MOB3B: variants seen among roughly 807,000 people sequenced by gnomAD.
MOB3B encodes the protein MOB kinase activator-like 2B.
Under a neutral mutation model 18.7 loss-of-function variants are expected in MOB3B, and 7 were observed. The observed-to-expected ratio is 0.37, with a 90% CI of 0.21 to 0.70. MOB3B has a LOEUF of 0.70. Ranked by LOEUF, MOB3B falls within the 30% of genes least tolerant of loss-of-function variation. MOB3B has a pLI of 0.52. For synonymous variants in MOB3B, 111 were observed against 99.9 expected (o/e 1.11, Z -0.66); for missense variants, 253 against 281.3 (o/e 0.90, Z 0.72).
At chr9:27,490,836 G>A (rs966964694) in intron 1 of MOB3B, among the ~76,000 whole-genome samples, 5 of 151,948 alleles carry the variant, frequency 3.3e-5, no homozygotes, top group African/African-American at 1.2e-4. Context: ...AAATACCATC[G>A]ATGCTGTAGG....
At chr9:27,476,145 T>C (rs1242605382) in intron 1 of MOB3B, among the ~76,000 whole-genome samples, 1 of 152,248 alleles carries the variant, frequency 6.6e-6, no homozygotes, top group Non-Finnish European at 1.5e-5. Context: ...CTCCCTGATG[T>C]TTCTACAACA....
intron 2 of MOB3B, among the ~76,000 whole-genome samples, chr9:27,366,275 G>A (rs764296518): frequency 5.3e-5 from 8 of 152,162 alleles, no homozygotes; most frequent in Non-Finnish European, 1.2e-4. Context: ...AGTATGAAAC[G>A]TAATAATTTC....
At chr9:27,460,296 T>C (rs1037767708) in intron 1 of MOB3B, among the ~76,000 whole-genome samples, 1 of 152,180 alleles carries the variant, frequency 6.6e-6, no homozygotes, top group Non-Finnish European at 1.5e-5. Context: ...AGCACAAAAC[T>C]GACAGAAGTT....
At chr9:27,446,146 A>G (rs976619179) in intron 2 of MOB3B, among the ~76,000 whole-genome samples, 2 of 152,316 alleles carry the variant, frequency 1.3e-5, no homozygotes. Flanking sequence ...CTCTTCGCCA[A>G]GTTTTGTTTA....
intron 2 of MOB3B, among the ~76,000 whole-genome samples, chr9:27,373,054 A>G (rs1587163661): frequency 7.2e-5 from 11 of 152,368 alleles, no homozygotes; most frequent in African/African-American, 2.4e-4. Context: ...TGTGGGTCAA[A>G]AATATTTGAT....
intron 1 of MOB3B, among the ~76,000 whole-genome samples, chr9:27,491,666 G>T (rs911474771): frequency 2.0e-5 from 3 of 152,188 alleles, no homozygotes; most frequent in African/African-American, 4.8e-5. Flanking sequence ...AAGGTCAGGA[G>T]ATTGAGACCA....
At chr9:27,351,566 C>T (rs900876346) in intron 3 of MOB3B, among the ~76,000 whole-genome samples, 8 of 152,208 alleles carry the variant, frequency 5.3e-5, no homozygotes, top group African/African-American at 1.9e-4. Flanking sequence ...CCAAGGAAGC[C>T]GCCTGACAAG....
At chr9:27,355,181 T>C (rs1821167661) in intron 3 of MOB3B, among the ~76,000 whole-genome samples, 1 of 152,108 alleles carries the variant, frequency 6.6e-6, no homozygotes, top group Admixed American at 6.5e-5. Context: ...ACCTGTGTGG[T>C]AGATACTCAG....
intron 1 of MOB3B, among the ~76,000 whole-genome samples, chr9:27,466,209 C>T (rs1819381223): frequency 6.6e-6 from 1 of 152,158 alleles, no homozygotes; most frequent in Non-Finnish European, 1.5e-5. Context: ...GCCAGTTACC[C>T]TAAATCATCT....
intron 1 of MOB3B, among the ~76,000 whole-genome samples, chr9:27,472,678 TAAAAAAAAAAAAA>T (rs56092176): frequency 1.0e-5 from 1 of 98,910 alleles, no homozygotes. Flanking sequence ...CACTTTATTC[TAAAAAAAAAAAAA>T]AAAAAAAAAA....
chr9:27,331,056 G>T (rs926933241), intron 3 of MOB3B, among the ~76,000 whole-genome samples: 2 of 152,166 alleles, frequency 1.3e-5, no homozygotes, highest in African/African-American at 4.8e-5. Flanking sequence ...TTCGAGTAGG[G>T]AAAGATTTAA....
At chr9:27,475,480 G>A (rs1819540051) in intron 1 of MOB3B, among the ~76,000 whole-genome samples, 1 of 152,204 alleles carries the variant, frequency 6.6e-6, no homozygotes, top group Admixed American at 6.5e-5. Context: ...ACATACAAAA[G>A]GAAACAACCA....
chr9:27,475,333 C>T (rs543318140), intron 1 of MOB3B, among the ~76,000 whole-genome samples: 16 of 152,358 alleles, frequency 1.1e-4, no homozygotes, highest in African/African-American at 2.6e-4. Flanking sequence ...AACCCAGCTA[C>T]GCTGTACTCT....
intron 2 of MOB3B, among the ~76,000 whole-genome samples, chr9:27,361,059 T>C (rs1821268068): frequency 6.6e-6 from 1 of 152,148 alleles, no homozygotes; most frequent in Non-Finnish European, 1.5e-5. Context: ...TGAAATTCCC[T>C]CTAAGATAGG....
intron 1 of MOB3B, among the ~76,000 whole-genome samples, chr9:27,464,698 G>A (rs897371075): frequency 2.6e-5 from 4 of 152,144 alleles, no homozygotes; most frequent in Admixed American, 2.6e-4. Context: ...ACAAAAAGAG[G>A]TTTAATTGGA....
intron 2 of MOB3B, among the ~76,000 whole-genome samples, chr9:27,448,025 G>A (rs1822720595): frequency 6.6e-6 from 1 of 152,198 alleles, no homozygotes; most frequent in South Asian, 2.1e-4. Context: ...CCCTCTCTGT[G>A]GTGGTTTTGT....
At chr9:27,383,328 A>T (rs551833212) in intron 2 of MOB3B, among the ~76,000 whole-genome samples, 2 of 152,342 alleles carry the variant, frequency 1.3e-5, no homozygotes, top group East Asian at 3.9e-4. Context: ...TTATTAATAA[A>T]GTTTCTCATT....
chr9:27,433,693 C>T (rs1269749399), intron 2 of MOB3B, among the ~76,000 whole-genome samples: 1 of 152,082 alleles, frequency 6.6e-6, no homozygotes, highest in Admixed American at 6.6e-5. Context: ...CTTTAGAATT[C>T]CTGTGATTTA....
intron 3 of MOB3B, among the ~76,000 whole-genome samples, chr9:27,355,501 A>C (rs1821175409): frequency 6.6e-6 from 1 of 151,680 alleles, no homozygotes; most frequent in Admixed American, 6.6e-5. Flanking sequence ...GACATTTATT[A>C]TTTTATATTT....
Sources: allele counts gnomAD v4.1 joint callset (sites outside exome capture counted in the v4.1 genomes callset), GRCh38; gene constraint gnomAD v4.1.1; transcripts MANE v1.5; gene names NCBI Gene and HGNC (gene_info 2026-07-23, HGNC 2026-07-21).